BTAF1: variants seen among roughly 807,000 people sequenced by gnomAD.
The protein encoded by BTAF1 is TATA-binding protein-associated factor 172.
Under a neutral mutation model 227.1 loss-of-function variants are expected in BTAF1, and 38 were observed. That is an observed-to-expected ratio of 0.17 (90% CI 0.13 to 0.22). The LOEUF is 0.22. Among genes scored for constraint, BTAF1 ranks in the 10% least tolerant of loss-of-function variants. BTAF1 has a pLI of 1.00. For missense variants in BTAF1, 1,598 were observed against 2,204.0 expected, an observed-to-expected ratio of 0.73 and a Z score of 5.51; for synonymous variants, 742 against 751.9, an observed-to-expected ratio of 0.99 and a Z score of 0.21.
Position 91,974,487 on chromosome 10 carries a change from T to C in BTAF1, c.1651-5967T>C, listed in dbSNP as rs532515258. ...AATATATTGTTTAATCAGTGTGCCT[T>C]CTTCTGTGATGTTAACATGTGAAAG... On this transcript the variant is annotated intron_variant, in intron 14 of 37. Transcript: ENST00000265990. Among the ~76,000 whole-genome samples, 41 of 152,326 alleles carry C rather than the reference T, an allele frequency of 2.7e-4. No homozygotes were observed. The South Asian group carries it at 3.5e-3, about 13-fold the overall frequency.
intron 35 of BTAF1, 126 bp from the exon 36 acceptor site, chr10:92,026,466 T>A (rs1203019572): frequency 1.4e-6 from 1 of 720,744 alleles, no homozygotes; most frequent in Non-Finnish European, 2.2e-6. Context: ...TCTCAGATGA[T>A]CATGTAAGTA....
chr10:92,011,059 A>G lies in BTAF1; in HGVS notation c.4104-14A>G, dbSNP rs1850259998. 6.3e-7 allele frequency: 1 copy of G among 1,577,272 alleles called. No individual in the cohort carries two copies. Among genetic ancestry groups the G allele is most frequent in the Non-Finnish European group, 8.6e-7 (1 of 1,157,926 alleles). The stretch of plus-strand genomic sequence containing the variant: ...GGGTCTCTGTTTTCTAATTTTATTC[A>G]TTTCTAAATAAAGGTTACAGCACCA... On this transcript the variant is annotated splice_polypyrimidine_tract_variant and intron_variant, in intron 28 of 37. Coordinates refer to ENST00000265990, the MANE Select transcript of BTAF1 (RefSeq NM_003972.3).
intron 24 of BTAF1, 116 bp from the exon 25 acceptor site, chr10:91,997,487 C>A: frequency 1.1e-6 from 1 of 890,550 alleles, no homozygotes; most frequent in Non-Finnish European, 1.7e-6. Flanking sequence ...TCTTTTCCCT[C>A]ATAATACAGA....
At chr10:91,941,422 C>T (rs181591698) in intron 3 of BTAF1, among the ~76,000 whole-genome samples, 10 of 152,270 alleles carry the variant, frequency 6.6e-5, no homozygotes, top group Non-Finnish European at 1.2e-4. Context: ...ATGCAGATGC[C>T]AGCTAAACAA....
chr10:91,996,876 A>AT (rs1165894790), intron 24 of BTAF1, among the ~76,000 whole-genome samples: 1 of 152,138 alleles, frequency 6.6e-6, no homozygotes, highest in Non-Finnish European at 1.5e-5. Context: ...CTAGTAAGTG[A>AT]TTTATTTGTT....
rs569119710 is a variant in BTAF1 at position 91,951,026 on chromosome 10, A to G, written c.401-377A>G. 7.2e-5 allele frequency among the ~76,000 whole-genome samples: 11 copies of G among 152,000 alleles called. No individual in the cohort carries two copies. In the South Asian group the frequency reaches 1.0e-3, roughly 14 times the overall value. On this transcript the variant is annotated intron_variant, in intron 4 of 37. Transcript: ENST00000265990. ...TTTTTTATAGAGATGGGGTCTCCCT[A>G]CGTTGTCCAGACTGGTCTCAAACTC... is the stretch of plus-strand genomic sequence containing the variant.
In BTAF1 at chr10:92,024,831, A is replaced by T. The variant is rs200544453; in HGVS notation, c.4939A>T (p.Ile1647Leu). 15 of 1,613,064 alleles carry T rather than the reference A, an allele frequency of 9.3e-6. No homozygotes were observed. Among genetic ancestry groups the T allele is most frequent in the Non-Finnish European group, 1.3e-5 (15 of 1,179,884 alleles). The change falls in exon 35 of 38, where the codon ATA (isoleucine) becomes TTA (leucine). Residue 1647 changes from isoleucine to leucine, a missense_variant. Physicochemically the swap from Ile to Leu is conservative, Grantham distance 5. Coordinates refer to ENST00000265990, the MANE Select transcript of BTAF1 (RefSeq NM_003972.3). ...AGAGTCTGTTGTGGCCCAGCACAGGATACTGATATTCTGTCAGCTGAAAAG... is the reference window on the plus strand; with the variant it reads ...AGAGTCTGTTGTGGCCCAGCACAGGTTACTGATATTCTGTCAGCTGAAAAG... ...GTESVVAQHR[I>L]LIFCQLKSML...
chr10:91,951,305 TG>T, intron 4 of BTAF1, 97 bp from the exon 5 acceptor site: 1 of 1,256,980 alleles, frequency 8.0e-7, no homozygotes, highest in Non-Finnish European at 1.1e-6. Context: ...GCAGAAGGGA[TG>T]CTTTGTGTAT....
chr10:92,009,253 A>C, intron 28 of BTAF1, 45 bp downstream of exon 28: 1 of 1,576,332 alleles, frequency 6.3e-7, no homozygotes, highest in Non-Finnish European at 8.7e-7. Context: ...CTGTTGTCAT[A>C]ATTAAGATAA....
Position 91,981,667 on chromosome 10 carries a change from G to C in BTAF1, c.1780G>C (p.Ala594Pro). 1 of 1,611,522 alleles carries C rather than the reference G, an allele frequency of 6.2e-7. No individual in the cohort carries two copies. Among genetic ancestry groups the C allele is most frequent in the South Asian group, 1.1e-5 (1 of 90,544 alleles). The stretch of plus-strand genomic sequence containing the variant: ...GGTTTGGATGGAACTGTTGAGTAAG[G>C]CTTCAGTTCAGTATGTGGTAGCAGC... ...HKVWMELLSK[A>P]SVQYVVAAAC... Residue 594 changes from alanine to proline, a missense_variant, in exon 16 of 38, where the codon GCT becomes CCT. Around this residue, in one of 10 missense-constraint regions of BTAF1, gnomAD observed 318 missense variants for 435.0 expected, o/e 0.73. Coordinates refer to ENST00000265990, the MANE Select transcript of BTAF1 (RefSeq NM_003972.3).
At chr10:91,995,700 A>G (rs1249304981) in intron 23 of BTAF1, among the ~76,000 whole-genome samples, 2 of 152,108 alleles carry the variant, frequency 1.3e-5, no homozygotes, top group African/African-American at 4.8e-5. Context: ...GGAAAAAAAA[A>G]AGTAGAGTCC....
rs767234788 is a variant in BTAF1, at chr10:91,959,764, ATATATATT to A, written c.991-20_991-13del. 38 of 457,912 alleles carry A rather than the reference ATATATATT, an allele frequency of 8.3e-5. No homozygotes were observed. The highest frequency in any genetic ancestry group is 6.8e-4 in the African/African-American group (26 of 38,178). The allele number at this position is 457,912 out of a possible 1,614,324, so 28.4% of individuals were successfully genotyped here. On this transcript the variant is annotated splice_polypyrimidine_tract_variant and intron_variant, in intron 9 of 37. Coordinates refer to ENST00000265990, the MANE Select transcript of BTAF1 (RefSeq NM_003972.3). ...TGTATATATATATATATATATATAT[ATATATATT>A]ATATTTTAACAGATGATTCAGCAGC...
At chr10:91,944,937 G>A (rs562551411) in intron 4 of BTAF1, among the ~76,000 whole-genome samples, 1 of 152,212 alleles carries the variant, frequency 6.6e-6, no homozygotes, top group African/African-American at 2.4e-5. Flanking sequence ...TTACCATTGC[G>A]TTACAGTTGC....
intron 30 of BTAF1, 30 bp from the exon 31 acceptor site, chr10:92,013,637 A>G (rs1459461628): frequency 5.6e-6 from 9 of 1,613,750 alleles, no homozygotes; most frequent in South Asian, 1.1e-5. Context: ...TAATCCCAGT[A>G]CAAAAGATAA....
At chr10:91,972,646 A>G (rs570044487) in intron 14 of BTAF1, among the ~76,000 whole-genome samples, 12 of 152,274 alleles carry the variant, frequency 7.9e-5, no homozygotes, top group Admixed American at 7.8e-4. Context: ...ATTCCTCTCC[A>G]CAAATTGCCT....
In BTAF1 at chr10:91,942,442, A is replaced by G. The variant is rs199538823; in HGVS notation, c.274A>G (p.Met92Val). 103 of 1,613,794 alleles carry G rather than the reference A, an allele frequency of 6.4e-5. No homozygotes were observed. The highest frequency in any genetic ancestry group is 8.3e-5 in the Non-Finnish European group (98 of 1,179,878). Residue 92 changes from methionine (M) to valine (V), a missense_variant, in exon 4 of 38, where the codon ATG becomes GTG. This residue lies in a region of BTAF1 where 298 missense variants were observed against 395.2 expected (regional missense o/e 0.75). Coordinates refer to ENST00000265990, the MANE Select transcript of BTAF1 (RefSeq NM_003972.3). The stretch of plus-strand genomic sequence containing the variant: ...TGTAGAACCTACTTCCGAAAGTTCT[A>G]TGGAAGATTCACCTACTACAGAGCG... Reference protein sequence around the residue: ...TRQEPTSESSMEDSPTTERLN... With the variant: ...TRQEPTSESSVEDSPTTERLN...
chr10:92,011,185 T>C, intron 29 of BTAF1, 35 bp downstream of exon 29: 3 of 1,531,300 alleles, frequency 2.0e-6, no homozygotes, highest in Non-Finnish European at 2.6e-6. Flanking sequence ...AAAATTAATA[T>C]CAAATTTGAA....
chr10:91,984,090 A>G (rs1210445911), intron 18 of BTAF1, 111 bp from the exon 19 acceptor site: 1 of 884,256 alleles, frequency 1.1e-6, no homozygotes, highest in Non-Finnish European at 1.7e-6. Context: ...AACAGAATAT[A>G]GATTCAGTAC....
At chr10:91,932,184 G>A (rs1305756004) in intron 1 of BTAF1, among the ~76,000 whole-genome samples, 1 of 152,172 alleles carries the variant, frequency 6.6e-6, no homozygotes, top group Non-Finnish European at 1.5e-5. Flanking sequence ...GGTAGCAGAG[G>A]ACCAAAGGAA....
Sources: allele counts gnomAD v4.1 joint callset (sites outside exome capture counted in the v4.1 genomes callset), GRCh38; gene constraint gnomAD v4.1.1; regional missense constraint gnomAD v4.1.1; transcripts MANE v1.5; gene names NCBI Gene and HGNC (gene_info 2026-07-23, HGNC 2026-07-21).